Variants in SMG6 observed in about 807,000 individuals in gnomAD.
SMG6 encodes the protein SMG6 nonsense mediated mRNA decay factor, also known as telomerase-binding protein EST1A.
A neutral mutation model predicts 142.2 loss-of-function variants in SMG6; 66 were observed. The observed-to-expected ratio is 0.46, with a 90% CI of 0.38 to 0.57. The LOEUF (loss-of-function observed/expected upper bound fraction) is 0.57. Ranked by LOEUF, SMG6 falls within the 20% of genes least tolerant of loss-of-function variation. SMG6 has a pLI of 0.00. For synonymous variants in SMG6, 779 were observed against 702.4 expected (o/e 1.11, Z -1.72); for missense variants, 1,793 against 1,832.0 (o/e 0.98, Z 0.39).
chr17:2,253,966 A>G (rs2074106561), intron 8 of SMG6, among the ~76,000 whole-genome samples: 1 of 152,242 alleles, frequency 6.6e-6, no homozygotes, highest in Non-Finnish European at 1.5e-5. Context: ...AAACATCCCT[A>G]TCAAAGGAAA....
Position 2,160,733 on chromosome 17 carries a change from A to G in SMG6, c.3357+11925T>C, listed in dbSNP as rs529692086. Among the ~76,000 whole-genome samples, 4 of 152,272 alleles carry G rather than the reference A, an allele frequency of 2.6e-5. No homozygotes were observed. The South Asian group carries it at 8.3e-4, about 32-fold the overall frequency. On this transcript the variant is annotated intron_variant, in intron 13 of 18. Transcript: ENST00000263073. ...TAGTCCCCAGCTACTCAAGGGACTG[A>G]GGTGGGAGGATTGCTTGAGCCTGGG...
intron 9 of SMG6, chr17:2,237,559 C>T: frequency 1.0e-6 from 1 of 985,488 alleles, no homozygotes; most frequent in Non-Finnish European, 1.2e-6. Flanking sequence ...TCTCACAAGG[C>T]TCTGCTCATC....
At chr17:2,277,311 T>C (rs748818627) in intron 8 of SMG6, among the ~76,000 whole-genome samples, 119 of 151,696 alleles carry the variant, frequency 7.8e-4, no homozygotes, top group South Asian at 2.3e-3. Flanking sequence ...GGACTACAGG[T>C]GCCTGCCACC....
intron 8 of SMG6, among the ~76,000 whole-genome samples, chr17:2,269,560 A>G (rs990094860): frequency 3.2e-4 from 48 of 152,140 alleles, no homozygotes; most frequent in African/African-American, 1.0e-3. Context: ...CAGGGAAGCC[A>G]TGCTCCTTTG....
At chr17:2,303,591 G>T in intron 1 of SMG6, 42 bp downstream of exon 1, 1 of 1,381,852 alleles carries the variant, frequency 7.2e-7, no homozygotes, top group South Asian at 1.6e-5. Context: ...GAGGGAGGCG[G>T]GGCGGGCAGG....
At chr17:2,262,390 G>A (rs566466331) in intron 8 of SMG6, among the ~76,000 whole-genome samples, 15 of 152,342 alleles carry the variant, frequency 9.8e-5, no homozygotes, top group Non-Finnish European at 1.8e-4. Context: ...TATCTACATT[G>A]TGATGAATCT....
At chr17:2,108,065 T>G (rs1460678242) in intron 13 of SMG6, among the ~76,000 whole-genome samples, 2 of 136,692 alleles carry the variant, frequency 1.5e-5, no homozygotes, top group African/African-American at 2.5e-5. Context: ...ATCTAACAGG[T>G]TTTTTTTTGT....
chr17:2,298,861 C>T lies in SMG6; in HGVS notation c.1847+45G>A, dbSNP rs765473544. The stretch of plus-strand genomic sequence containing the variant: ...TCAGCCATAGCAATCTATACACCTC[C>T]GGCTGATCCCCATTTCCCTCCAGCC... On this transcript the variant is annotated intron_variant, in intron 2 of 18. Coordinates refer to ENST00000263073, the MANE Select transcript of SMG6 (RefSeq NM_017575.5). 1.7e-5 allele frequency: 26 copies of T among 1,555,534 alleles called. No homozygotes were observed. The Admixed American group carries it at 1.8e-4, about 11-fold the overall frequency.
At chr17:2,214,512 A>C (rs1489777521) in intron 10 of SMG6, 16 of 152,248 alleles carry the variant, frequency 1.1e-4, no homozygotes, top group Admixed American at 1.0e-3. Flanking sequence ...ACAAAGCTGG[A>C]GACGTTACTC....
At chr17:2,290,501 C>T (rs1315426040) in intron 6 of SMG6, among the ~76,000 whole-genome samples, 4 of 152,202 alleles carry the variant, frequency 2.6e-5, no homozygotes, top group African/African-American at 9.6e-5. Flanking sequence ...TAAAACTATA[C>T]AACTGCTAGA....
intron 8 of SMG6, among the ~76,000 whole-genome samples, chr17:2,246,934 C>A (rs560761146): frequency 6.6e-6 from 1 of 152,012 alleles, no homozygotes; most frequent in African/African-American, 2.4e-5. Context: ...CAACAAAGAG[C>A]GAAACTCTGT....
intron 8 of SMG6, among the ~76,000 whole-genome samples, chr17:2,271,116 GTTTT>G (rs542881081): frequency 2.3e-5 from 3 of 132,228 alleles, no homozygotes; most frequent in Non-Finnish European, 4.9e-5. Context: ...TTTTTTTCTG[GTTTT>G]TTTTTTTTTT....
At chr17:2,189,429 C>G (rs2072092518) in intron 10 of SMG6, among the ~76,000 whole-genome samples, 1 of 152,186 alleles carries the variant, frequency 6.6e-6, no homozygotes, top group African/African-American at 2.4e-5. Flanking sequence ...AGGCAGCAGT[C>G]CACCACACAG....
chr17:2,200,574 C>T (rs1478672251), intron 10 of SMG6, among the ~76,000 whole-genome samples: 3 of 151,766 alleles, frequency 2.0e-5, no homozygotes, highest in African/African-American at 7.3e-5. Flanking sequence ...TTTTGTTGAC[C>T]AAGCTGGTCT....
chr17:2,085,997 T>C lies in SMG6; in HGVS notation c.3358-96A>G. 7.9e-7 allele frequency: 1 copy of C among 1,267,510 alleles called. No individual in the cohort carries two copies. The highest frequency in any genetic ancestry group is 1.1e-6 in the Non-Finnish European group (1 of 875,920). The allele number at this position is 1,267,510 out of a possible 1,614,324, so 78.5% of individuals were successfully genotyped here. A position where few individuals can be genotyped will look rare whatever the true frequency, so the allele number is the denominator to read the frequency against. ...CCGGCTGAGGGGCACAGGGGAACTG[T>C]GTCAAAGCTACCAGGCAAGGGGGTC... On this transcript the variant is annotated intron_variant, in intron 13 of 18. Coordinates refer to ENST00000263073, the MANE Select transcript of SMG6 (RefSeq NM_017575.5). The surrounding 1 kb of genome is among the most constrained non-coding windows in gnomAD (Gnocchi z 4.1).
rs1391303649 is a variant in SMG6, at chr17:2,085,131, C to A, written c.3534+594G>T. Among the ~76,000 whole-genome samples the A allele has an allele frequency of 1.3e-5, 2 of 151,894 alleles. No homozygotes were observed. Among genetic ancestry groups the A allele is most frequent in the Non-Finnish European group, 2.9e-5 (2 of 67,928 alleles). On this transcript the variant is annotated intron_variant, in intron 14 of 18. Transcript: ENST00000263073. The surrounding 1 kb of genome is among the most constrained non-coding windows in gnomAD (Gnocchi z 4.1). Reference sequence around the variant, plus strand: ...TCATGCATGTGCATGCGCGTGCGCACACACACACACAGACGCGCACACACA... The same window carrying A: ...TCATGCATGTGCATGCGCGTGCGCAAACACACACACAGACGCGCACACACA...
At chr17:2,121,171 G>T (rs1224087244) in intron 13 of SMG6, among the ~76,000 whole-genome samples, 2 of 152,148 alleles carry the variant, frequency 1.3e-5, no homozygotes, top group Admixed American at 1.3e-4. Context: ...TTACTCAAGT[G>T]AAAACACATG....
intron 15 of SMG6, among the ~76,000 whole-genome samples, chr17:2,077,729 T>C (rs2068299637): frequency 6.6e-6 from 1 of 152,216 alleles, no homozygotes; most frequent in African/African-American, 2.4e-5. Flanking sequence ...TTCACGGGCA[T>C]GATCACTGCA....
chr17:2,198,349 G>A (rs749459495), intron 10 of SMG6, among the ~76,000 whole-genome samples: 1 of 152,172 alleles, frequency 6.6e-6, no homozygotes, highest in Non-Finnish European at 1.5e-5. Context: ...GCTGAAAGGC[G>A]GTAGGGATGG....
Sources: allele counts gnomAD v4.1 joint callset (sites outside exome capture counted in the v4.1 genomes callset), GRCh38; gene constraint gnomAD v4.1.1; non-coding constraint Gnocchi (gnomAD v3.1); transcripts MANE v1.5; gene names NCBI Gene and HGNC (gene_info 2026-07-23, HGNC 2026-07-21).